The following SOD2 variants were observed in gnomAD, a reference collection of about 807,000 sequenced individuals.
SOD2 encodes the protein superoxide dismutase [Mn], mitochondrial.
In SOD2, 11 loss-of-function variants were observed where a neutral mutation model predicts 27.0. The ratio of observed to expected loss-of-function variants is 0.41; its 90% CI spans 0.26 to 0.67. The LOEUF (loss-of-function observed/expected upper bound fraction) is 0.67, where lower values mean the gene tolerates loss of function less well. Ranked by LOEUF, SOD2 falls within the 30% of genes least tolerant of loss-of-function variation. The pLI is 0.34. For synonymous variants in SOD2, 105 were observed against 103.0 expected (o/e 1.02, Z -0.12); for missense variants, 250 against 274.5 (o/e 0.91, Z 0.63).
At chr6:159,692,598 G>T in intron 2 of SOD2, 63 bp downstream of exon 2, 2 of 1,601,740 alleles carry the variant, frequency 1.2e-6, no homozygotes, top group Non-Finnish European at 8.5e-7. Flanking sequence ...GTCCGTATGG[G>T]GCCTGGCTCC....
At chr6:159,706,076 T>C (rs1348605194) in intron 1 of SOD2, among the ~76,000 whole-genome samples, 6 of 152,124 alleles carry the variant, frequency 3.9e-5, no homozygotes, top group Non-Finnish European at 5.9e-5. Flanking sequence ...CTGAGAGATT[T>C]TGTCACCACC....
rs950103431 is a variant in SOD2 at position 159,671,827 on chromosome 6, G to A, written c.*10666C>T. On this transcript the variant is annotated 3_prime_UTR_variant, in exon 5 of 5. Coordinates refer to ENST00000538183, the MANE Select transcript of SOD2 (RefSeq NM_000636.4). ...AGAGGAAGTTCGAACCCATCACAAAGAACCTAAAAACCTTGAAAAAAGATT... is the reference window on the plus strand; with the variant it reads ...AGAGGAAGTTCGAACCCATCACAAAAAACCTAAAAACCTTGAAAAAAGATT... The A allele has an allele frequency of 1.3e-5, 2 of 152,116 alleles. No individual in the cohort carries two copies. The highest frequency in any genetic ancestry group is 2.4e-5 in the African/African-American group (1 of 41,424). The allele number at this position is 152,116 out of a possible 1,614,324, so 9.4% of individuals were successfully genotyped here.
intron 1 of SOD2, 55 bp downstream of exon 1, chr6:159,693,090 C>A: frequency 6.6e-7 from 1 of 1,514,270 alleles, no homozygotes; most frequent in South Asian, 1.2e-5. Context: ...GGAGGCCCTG[C>A]CCGCCGCGAG....
chr6:159,692,473 T>G, intron 2 of SOD2, 188 bp downstream of exon 2: 1 of 1,442,312 alleles, frequency 6.9e-7, no homozygotes, highest in Non-Finnish European at 9.1e-7. Context: ...TTCAAACCCA[T>G]CGAGGCACTC....
At position 159,674,512 on chromosome 6, in the gene SOD2, C is replaced by A. The variant is rs572726128; in HGVS notation, c.*7981G>T. On this transcript the variant is annotated 3_prime_UTR_variant, in exon 5 of 5. Coordinates refer to ENST00000538183, the MANE Select transcript of SOD2 (RefSeq NM_000636.4). Reference sequence around the variant, plus strand: ...GACAAAAACCACATGATTATCTCAACAGATGCAGAAAAGGCCTTGGACAAA... The same window carrying A: ...GACAAAAACCACATGATTATCTCAAAAGATGCAGAAAAGGCCTTGGACAAA... 2 of 152,116 alleles carry A rather than the reference C, an allele frequency of 1.3e-5. No homozygotes were observed. Among genetic ancestry groups the A allele is most frequent in the Non-Finnish European group, 2.9e-5 (2 of 68,012 alleles). The allele number at this position is 152,116 out of a possible 1,614,324, so 9.4% of individuals were successfully genotyped here.
rs375214579 is a variant in SOD2 at position 159,761,407 on chromosome 6, G to C, written c.-706C>G. 324 of 383,386 alleles carry C rather than the reference G, an allele frequency of 8.5e-4. 5 individuals carry two copies. The highest frequency in any genetic ancestry group is 5.8e-3 in the South Asian group (309 of 53,586). The allele number at this position is 383,386 out of a possible 1,614,324, so 23.7% of individuals were successfully genotyped here. A position where few individuals can be genotyped will look rare whatever the true frequency, so the allele number is the denominator to read the frequency against. On this transcript the variant is annotated 5_prime_UTR_variant, in exon 1 of 8. Coordinates refer to the SOD2 transcript ENST00000546087. ...AAAGGAACTTTTGTGACGCTAAGAC[G>C]CTCCCGGCGTCCTCACCCGTTCACA...
intron 1 of SOD2, among the ~76,000 whole-genome samples, chr6:159,702,469 G>A (rs929889398): frequency 6.6e-6 from 1 of 151,096 alleles, no homozygotes; most frequent in Non-Finnish European, 1.5e-5. Flanking sequence ...GCTAATTTTT[G>A]TATTTTAAGT....
chr6:159,689,796 C>T (rs1780364149), intron 2 of SOD2, among the ~76,000 whole-genome samples: 1 of 151,870 alleles, frequency 6.6e-6, no homozygotes, highest in Non-Finnish European at 1.5e-5. Context: ...CCTGTCTTCA[C>T]TAAAAATACA....
At position 159,683,050 on chromosome 6, in the gene SOD2, A is replaced by G. The variant is rs1260341201; in HGVS notation, c.524-412T>C. Among the ~76,000 whole-genome samples, 3 of 152,162 alleles carry G rather than the reference A, an allele frequency of 2.0e-5. No individual in the cohort carries two copies. In the East Asian group the frequency reaches 5.8e-4, roughly 29 times the overall value. ...TCCTCCAAAGGGTCTGGGCACTCAC[A>G]GGGGTTTACGAGGAACCAGCTCTGC... On this transcript the variant is annotated intron_variant, in intron 4 of 4. Coordinates refer to ENST00000538183, the MANE Select transcript of SOD2 (RefSeq NM_000636.4).
At chr6:159,729,798 T>A (rs1282836170), upstream of SOD2, among the ~76,000 whole-genome samples, 1 of 152,148 alleles carries the variant, frequency 6.6e-6, no homozygotes, top group East Asian at 1.9e-4. Context: ...CAGCTATGAT[T>A]TGTTCGCCAA....
chr6:159,726,889 C>T (rs916319841), intron 1 of SOD2: 6 of 1,289,190 alleles, frequency 4.7e-6, no homozygotes, highest in Non-Finnish European at 6.1e-6. Context: ...CCGCGGCTCG[C>T]CGCCCACGGC....
At chr6:159,753,330 G>GCTTTT in intron 1 of SOD2, 1 of 1,264,582 alleles carries the variant, frequency 7.9e-7, no homozygotes, top group East Asian at 2.5e-5. Flanking sequence ...AAAAGAAGAT[G>GCTTTT]GTAATTATGG....
At chr6:159,755,749 GTT>G in intron 1 of SOD2, 2 of 317,900 alleles carry the variant, frequency 6.3e-6, no homozygotes, top group Non-Finnish European at 8.0e-6. Context: ...TTTTTTCTTT[GTT>G]TTTTTTTTCT....
chr6:159,722,301 T>C (rs1205000244), intron 1 of SOD2, among the ~76,000 whole-genome samples: 1 of 152,106 alleles, frequency 6.6e-6, no homozygotes, highest in African/African-American at 2.4e-5. Flanking sequence ...CGAGGATCAC[T>C]TGAGCCCAGG....
intron 1 of SOD2, chr6:159,713,666 A>G (rs1382071488): frequency 1.0e-6 from 1 of 979,748 alleles, no homozygotes; most frequent in Non-Finnish European, 1.6e-6. Context: ...AGACGAAGCC[A>G]TCGTTGGCAG....
At chr6:159,702,767 T>C (rs547772393) in intron 1 of SOD2, among the ~76,000 whole-genome samples, 1 of 142,208 alleles carries the variant, frequency 7.0e-6, no homozygotes, top group South Asian at 2.3e-4. Context: ...GGAGGATCAC[T>C]TGAGCCCAGA....
chr6:159,730,362 G>T (rs75179167), upstream of SOD2, among the ~76,000 whole-genome samples: 2,871 of 152,180 alleles, frequency 0.019, 105 homozygotes, highest in African/African-American at 0.065. Context: ...AGAATAGATT[G>T]TTCTGAGAAC....
intron 1 of SOD2, among the ~76,000 whole-genome samples, chr6:159,724,283 G>A (rs577895935): frequency 2.6e-5 from 4 of 152,022 alleles, no homozygotes; most frequent in Non-Finnish European, 5.9e-5. Flanking sequence ...TCAGCCACCC[G>A]GCCCTTTTCT....
upstream of SOD2, among the ~76,000 whole-genome samples, chr6:159,745,775 T>TA: frequency 6.6e-6 from 1 of 152,182 alleles, no homozygotes; most frequent in East Asian, 1.9e-4. Context: ...GAACAGGACT[T>TA]TAAGCAGGAA....
Sources: allele counts gnomAD v4.1 joint callset (sites outside exome capture counted in the v4.1 genomes callset), GRCh38; gene constraint gnomAD v4.1.1; transcripts MANE v1.5; gene names NCBI Gene and HGNC (gene_info 2026-07-23, HGNC 2026-07-21).